The following STK32B variants were observed in gnomAD, a reference collection of about 807,000 sequenced individuals.
STK32B encodes the protein serine/threonine-protein kinase 32B.
In STK32B, 43 loss-of-function variants were observed where a neutral mutation model predicts 52.6. That is an observed-to-expected ratio of 0.82 (90% CI 0.64 to 1.05). The LOEUF (loss-of-function observed/expected upper bound fraction) is 1.05, where lower values mean the gene tolerates loss of function less well. Among genes scored for constraint, STK32B ranks in the 50% least tolerant of loss-of-function variants. STK32B has a pLI of 0.00. For missense variants in STK32B, 621 were observed against 534.6 expected, an observed-to-expected ratio of 1.16 and a Z score of -1.59; for synonymous variants, 238 against 204.3, an observed-to-expected ratio of 1.17 and a Z score of -1.41.
At chr4:5,280,158 C>T (rs1297270205) in intron 3 of STK32B, among the ~76,000 whole-genome samples, 1 of 152,178 alleles carries the variant, frequency 6.6e-6, no homozygotes. Context: ...CTTTTATGCT[C>T]TGCTTCCCTT....
At chr4:5,092,118 T>C (rs979969559) in intron 1 of STK32B, among the ~76,000 whole-genome samples, 22 of 152,214 alleles carry the variant, frequency 1.4e-4, no homozygotes, top group African/African-American at 1.4e-4. Context: ...GATAGAGGTA[T>C]GGAATTAGAT....
rs1346682783 is a variant in STK32B, at chr4:5,398,014, AAG to A, written c.435-189_435-188del. Among the ~76,000 whole-genome samples the A allele has an allele frequency of 4.6e-5, 7 of 152,236 alleles. No individual in the cohort carries two copies. The highest frequency in any genetic ancestry group is 1.7e-4 in the African/African-American group (7 of 41,466). ...AAACAATCTACTTGCACTTCCAGGA[AAG>A]AGAAGAGGCGATAAGAACACAGGTG... is the stretch of plus-strand genomic sequence containing the variant. On this transcript the variant is annotated intron_variant, in intron 4 of 11. Transcript: ENST00000282908. The surrounding 1 kb of genome is among the most constrained non-coding windows in gnomAD (Gnocchi z 4.9).
At chr4:5,076,904 A>T (rs771580468) in intron 1 of STK32B, among the ~76,000 whole-genome samples, 1 of 152,142 alleles carries the variant, frequency 6.6e-6, no homozygotes, top group Non-Finnish European at 1.5e-5. Flanking sequence ...CTAGGCAGTG[A>T]ATTTTCTTCC....
chr4:5,179,442 A>G (rs1173979788), intron 3 of STK32B, among the ~76,000 whole-genome samples: 2 of 152,238 alleles, frequency 1.3e-5, no homozygotes, highest in African/African-American at 4.8e-5. Flanking sequence ...ACCTATTATC[A>G]TATATACATG....
chr4:5,487,215 A>G (rs577932017), intron 11 of STK32B, among the ~76,000 whole-genome samples: 68 of 152,276 alleles, frequency 4.5e-4, no homozygotes, highest in African/African-American at 1.6e-3. Flanking sequence ...ACCACAGTAA[A>G]GTAACAAAAA....
chr4:5,393,224 A>G (rs1460562070), intron 4 of STK32B, among the ~76,000 whole-genome samples: 1 of 151,880 alleles, frequency 6.6e-6, no homozygotes. Context: ...TGTTGGCTCA[A>G]CCTCCTACTG....
chr4:5,398,073 C>T lies in STK32B; in HGVS notation c.435-134C>T. The T allele has an allele frequency of 2.4e-6, 2 of 831,338 alleles. No homozygotes were observed. The highest frequency in any genetic ancestry group is 3.8e-6 in the Non-Finnish European group (2 of 521,704). The allele number at this position is 831,338 out of a possible 1,614,324, so 51.5% of individuals were successfully genotyped here. ...TATCTTACCAATTATTCTCCCACTC[C>T]ATGTCTGAGGCTTCAGGTCAGGGAG... On this transcript the variant is annotated intron_variant, in intron 4 of 11. Coordinates refer to ENST00000282908, the MANE Select transcript of STK32B (RefSeq NM_018401.3). The surrounding 1 kb of genome is among the most constrained non-coding windows in gnomAD (Gnocchi z 4.9).
intron 1 of STK32B, among the ~76,000 whole-genome samples, chr4:5,110,981 AAG>A (rs1714372532): frequency 6.6e-6 from 1 of 152,240 alleles, no homozygotes; most frequent in South Asian, 2.1e-4. Context: ...TGAAAAAAAA[AAG>A]AAATATAAGC....
chr4:5,175,751 G>A (rs1250739618), intron 3 of STK32B, among the ~76,000 whole-genome samples: 2 of 152,094 alleles, frequency 1.3e-5, no homozygotes, highest in African/African-American at 4.8e-5. Context: ...TGGGGATCAG[G>A]GACCCACTTG....
At chr4:5,350,885 G>A (rs1227039673) in intron 4 of STK32B, among the ~76,000 whole-genome samples, 3 of 151,970 alleles carry the variant, frequency 2.0e-5, no homozygotes, top group Non-Finnish European at 4.4e-5. Context: ...CTTAAAAAGA[G>A]ATAAAGAAGG....
intron 11 of STK32B, among the ~76,000 whole-genome samples, chr4:5,480,726 TC>T (rs1424956666): frequency 6.6e-6 from 1 of 151,542 alleles, no homozygotes; most frequent in East Asian, 1.9e-4. Flanking sequence ...ATGCTATCCC[TC>T]CCCCCTCCAC....
chr4:5,409,439 T>C lies in STK32B; in HGVS notation c.473-7406T>C, dbSNP rs188431912. Among the ~76,000 whole-genome samples, 798 of 152,194 alleles carry C rather than the reference T, an allele frequency of 5.2e-3. 7 individuals are homozygous for C. Among genetic ancestry groups the C allele is most frequent in the Admixed American group, 0.016 (238 of 15,292 alleles). On this transcript the variant is annotated intron_variant, in intron 5 of 11. Transcript: ENST00000282908. ...AAATCACATGCTCAATACTGTGAGA[T>C]AGAAAGGAAGTGTATTAGTCAGGGA...
intron 3 of STK32B, among the ~76,000 whole-genome samples, chr4:5,246,189 C>A (rs1278876474): frequency 1.3e-5 from 2 of 152,186 alleles, no homozygotes; most frequent in Non-Finnish European, 2.9e-5. Context: ...GTTCCTTTCT[C>A]CCCGTCACTT....
At chr4:5,293,368 G>A (rs190142338) in intron 3 of STK32B, among the ~76,000 whole-genome samples, 3 of 152,210 alleles carry the variant, frequency 2.0e-5, no homozygotes, top group African/African-American at 4.8e-5. Flanking sequence ...TCTCCACACT[G>A]TCTTCCACAA....
chr4:5,248,119 G>A (rs925972701), intron 3 of STK32B, among the ~76,000 whole-genome samples: 1 of 152,176 alleles, frequency 6.6e-6, no homozygotes, highest in African/African-American at 2.4e-5. Flanking sequence ...TATGCAATTT[G>A]CCATATTGCT....
intron 3 of STK32B, among the ~76,000 whole-genome samples, chr4:5,218,138 G>C (rs1723292684): frequency 6.6e-6 from 1 of 152,264 alleles, no homozygotes; most frequent in Middle Eastern, 3.4e-3. Flanking sequence ...AAGTTATGCA[G>C]AGACACTTCT....
intron 1 of STK32B, among the ~76,000 whole-genome samples, chr4:5,126,552 G>T (rs1471708867): frequency 6.6e-6 from 1 of 152,244 alleles, no homozygotes; most frequent in Admixed American, 6.5e-5. Flanking sequence ...CAAAGTAGAT[G>T]AGCACCTGTG....
chr4:5,315,148 A>G (rs761684079), intron 3 of STK32B, among the ~76,000 whole-genome samples: 74 of 152,314 alleles, frequency 4.9e-4, no homozygotes, highest in Non-Finnish European at 9.4e-4. Flanking sequence ...TAATCCAATT[A>G]AAAAATGAGC....
At chr4:5,449,082 C>T (rs1715737125) in intron 7 of STK32B, among the ~76,000 whole-genome samples, 1 of 152,182 alleles carries the variant, frequency 6.6e-6, no homozygotes, top group Admixed American at 6.5e-5. Context: ...TGACTCAGAT[C>T]TGTAATCCCA....
Sources: gnomAD v4.1 joint callset for allele counts (sites outside exome capture counted in the v4.1 genomes callset) on GRCh38, gnomAD v4.1.1 for gene constraint, Gnocchi (gnomAD v3.1) non-coding constraint, MANE v1.5 for transcripts, NCBI Gene and HGNC (gene_info 2026-07-23, HGNC 2026-07-21) for gene names.